Variants in PCDHA6 observed in about 807,000 individuals in gnomAD.
PCDHA6 encodes the protein protocadherin alpha 6, also known as protocadherin alpha-6.
PCDHA6 carries 55 observed loss-of-function variants against 60.3 expected under a neutral mutation model. That is an observed-to-expected ratio of 0.91 (90% CI 0.73 to 1.14). The LOEUF (loss-of-function observed/expected upper bound fraction) is 1.14, where lower values mean the gene tolerates loss of function less well. Among genes scored for constraint, PCDHA6 ranks in the 50% most tolerant of loss-of-function variants. The pLI, the probability that PCDHA6 is intolerant of heterozygous loss-of-function variation, is 0.00. For missense variants in PCDHA6, 1,327 were observed against 1,256.5 expected, an observed-to-expected ratio of 1.06 and a Z score of -0.85; for synonymous variants, 652 against 557.9, an observed-to-expected ratio of 1.17 and a Z score of -2.38.
At chr5:140,867,456 T>G (rs1035822606) in intron 1 of PCDHA6, 8 of 152,272 alleles carry the variant, frequency 5.3e-5, no homozygotes, top group African/African-American at 1.9e-4. Context: ...AGAGTTCTAG[T>G]GTTATGACAA....
chr5:140,836,726 C>T (rs1326875671), intron 1 of PCDHA6: 9 of 1,610,652 alleles, frequency 5.6e-6, no homozygotes, highest in African/African-American at 2.7e-5. Flanking sequence ...AGGGTCCATC[C>T]TCTACAGACA....
intron 1 of PCDHA6, among the ~76,000 whole-genome samples, chr5:140,833,838 T>G (rs1290459937): frequency 6.6e-6 from 1 of 152,186 alleles, no homozygotes; most frequent in Non-Finnish European, 1.5e-5. Context: ...AGTACAGGAT[T>G]TTTCTTAACA....
intron 1 of PCDHA6, among the ~76,000 whole-genome samples, chr5:140,963,630 C>T (rs1370293911): frequency 3.3e-5 from 5 of 152,140 alleles, no homozygotes; most frequent in African/African-American, 1.2e-4. Flanking sequence ...TTGTTGCATA[C>T]GCATCTTCCC....
At chr5:141,009,529 T>C in intron 3 of PCDHA6, 98 bp from the exon 4 acceptor site, 2 of 1,505,630 alleles carry the variant, frequency 1.3e-6, no homozygotes, top group Non-Finnish European at 1.8e-6. Context: ...TCTGGGGAGG[T>C]TCAGCCTGCC....
intron 1 of PCDHA6, chr5:140,857,725 C>T: frequency 6.3e-7 from 1 of 1,597,502 alleles, no homozygotes; most frequent in Non-Finnish European, 8.6e-7. Context: ...ACGAGAACGA[C>T]AACGCTCCCG....
At chr5:140,934,363 T>C (rs1354531260) in intron 1 of PCDHA6, among the ~76,000 whole-genome samples, 3 of 152,170 alleles carry the variant, frequency 2.0e-5, no homozygotes, top group African/African-American at 7.2e-5. Context: ...GCCACTGCTT[T>C]GACTCCTTCT....
At chr5:140,998,199 C>A (rs1472137266) in intron 3 of PCDHA6, among the ~76,000 whole-genome samples, 2 of 152,172 alleles carry the variant, frequency 1.3e-5, no homozygotes, top group Non-Finnish European at 2.9e-5. Flanking sequence ...GTATTAACTC[C>A]TTTAATCTGT....
intron 1 of PCDHA6, among the ~76,000 whole-genome samples, chr5:140,918,416 C>A (rs2078685021): frequency 6.6e-6 from 1 of 152,110 alleles, no homozygotes; most frequent in Non-Finnish European, 1.5e-5. Flanking sequence ...GCCAGGACTT[C>A]CAGTAGGATG....
At chr5:140,979,178 G>C (rs782006168) in intron 2 of PCDHA6, 171 bp downstream of exon 2, 32 of 944,022 alleles carry the variant, frequency 3.4e-5, no homozygotes, top group Non-Finnish European at 4.0e-5. Flanking sequence ...GATCGCAAAT[G>C]GTCAGTGCCA....
Position 140,852,025 on chromosome 5 carries a change from G to A in PCDHA6, c.2394+21540G>A, listed in dbSNP as rs955032010. 1.9e-4 allele frequency: 179 copies of A among 947,094 alleles called. 7 individuals are homozygous for A. The highest frequency in any genetic ancestry group is 4.5e-4 in the African/African-American group (25 of 55,960). The allele number at this position is 947,094 out of a possible 1,614,324, so 58.7% of individuals were successfully genotyped here. A position where few individuals can be genotyped will look rare whatever the true frequency, so the allele number is the denominator to read the frequency against. On this transcript the variant is annotated intron_variant, in intron 1 of 3. Coordinates refer to ENST00000529310, the MANE Select transcript of PCDHA6 (RefSeq NM_018909.4). ...TCTAATTTATAGTTTTAAAAACTTC[G>A]CTTATTGAGTTTTTGTTATGTGGTT...
chr5:140,854,230 A>G (rs2043046050), intron 1 of PCDHA6: 3 of 629,370 alleles, frequency 4.8e-6, no homozygotes, highest in Admixed American at 1.3e-4. Flanking sequence ...CTACATTGGG[A>G]TATTTATGTT....
At position 140,834,260 on chromosome 5, in the gene PCDHA6, C is replaced by T. The variant is rs2150214634; in HGVS notation, c.2394+3775C>T. The stretch of plus-strand genomic sequence containing the variant: ...CTTTTCGCACTGGAAAGACGCTCCA[C>T]TCTCTTTCACTCTTTGGATGCACAA... On this transcript the variant is annotated intron_variant, in intron 1 of 3. Transcript: ENST00000529310. The T allele has an allele frequency of 9.3e-6, 9 of 972,854 alleles. No homozygotes were observed. In the South Asian group the frequency reaches 1.5e-4, roughly 16 times the overall value. 60.3% of individuals were successfully genotyped at this position (972,854 alleles called of 1,614,324 possible).
chr5:140,876,976 C>G lies in PCDHA6; in HGVS notation c.2394+46491C>G, dbSNP rs782283591. 6 of 1,612,586 alleles carry G rather than the reference C, an allele frequency of 3.7e-6. No homozygotes were observed. In the Admixed American group the frequency reaches 5.0e-5, roughly 13 times the overall value. ...GCTGGTGGAGCGGCGGGTGGGCGAG[C>G]ACGCACTGTCGAGCTACGTGTCGGT... On this transcript the variant is annotated intron_variant, in intron 1 of 3. Transcript: ENST00000529310.
chr5:140,882,218 G>A, intron 1 of PCDHA6: 5 of 1,545,760 alleles, frequency 3.2e-6, no homozygotes, highest in Non-Finnish European at 4.4e-6. Flanking sequence ...GACAGTTTGA[G>A]GTAAGGCGTT....
At chr5:140,882,112 C>T (rs1399071152) in intron 1 of PCDHA6, 2 of 1,384,570 alleles carry the variant, frequency 1.4e-6, no homozygotes, top group Non-Finnish European at 1.9e-6. Flanking sequence ...CGAAGAAAGC[C>T]GCCGTTTCTT....
chr5:140,899,513 C>T (rs4552682), intron 1 of PCDHA6, among the ~76,000 whole-genome samples: 7,065 of 152,042 alleles, frequency 0.046, 286 homozygotes, highest in African/African-American at 0.11. Flanking sequence ...GCATATATTG[C>T]ATCCCAGGGA....
chr5:140,972,241 GC>G (rs1162351861), intron 1 of PCDHA6, among the ~76,000 whole-genome samples: 1 of 151,838 alleles, frequency 6.6e-6, no homozygotes, highest in Non-Finnish European at 1.5e-5. Flanking sequence ...CTGGGCTCAA[GC>G]AATCCTCACA....
chr5:140,838,277 C>A (rs1372363386), intron 1 of PCDHA6, among the ~76,000 whole-genome samples: 1 of 74,748 alleles, frequency 1.3e-5, no homozygotes, highest in South Asian at 4.1e-4. Context: ...CCAAGCCATG[C>A]TAATTTTTTT....
intron 2 of PCDHA6, 91 bp from the exon 3 acceptor site, chr5:140,982,384 C>T (rs1245752901): frequency 6.3e-7 from 1 of 1,584,990 alleles, no homozygotes; most frequent in African/African-American, 1.3e-5. Context: ...GCAGCCCTGG[C>T]TTCATAGTTG....
Sources: gnomAD v4.1 joint callset for allele counts (sites outside exome capture counted in the v4.1 genomes callset) on GRCh38, gnomAD v4.1.1 for gene constraint, MANE v1.5 for transcripts, NCBI Gene and HGNC (gene_info 2026-07-23, HGNC 2026-07-21) for gene names.